EPHA1: variants seen among roughly 807,000 people sequenced by gnomAD.
The protein encoded by EPHA1 is EPH receptor A1.
A neutral mutation model predicts 110.1 loss-of-function variants in EPHA1; 92 were observed. The observed-to-expected ratio is 0.84, with a 90% CI of 0.71 to 0.99. The LOEUF is 0.99. Ranked by LOEUF, EPHA1 falls within the 50% of genes least tolerant of loss-of-function variation. The pLI is 0.00. For synonymous variants in EPHA1, 500 were observed against 516.1 expected (o/e 0.97, Z 0.42); for missense variants, 1,204 against 1,285.4 (o/e 0.94, Z 0.97).
At chr7:143,394,524 G>C (rs1405233869) in intron 14 of EPHA1, among the ~76,000 whole-genome samples, 181 bp from the exon 15 acceptor site, 5 of 152,074 alleles carry the variant, frequency 3.3e-5, no homozygotes, top group Admixed American at 3.3e-4. Context: ...AGGTTCAAGC[G>C]ATTCTCCTGC....
chr7:143,396,358 C>G (rs973093583), intron 11 of EPHA1, 27 bp downstream of exon 11: 2 of 1,602,428 alleles, frequency 1.2e-6, no homozygotes, highest in Admixed American at 1.7e-5. Flanking sequence ...TGGCGGGGGG[C>G]CTGCTGCGGT....
chr7:143,397,234 A>AAC (rs146724598), intron 10 of EPHA1, 70 bp downstream of exon 10: 86 of 1,455,784 alleles, frequency 5.9e-5, no homozygotes, highest in Middle Eastern at 3.5e-4. Flanking sequence ...GGCATCTCCC[A>AAC]ACACACACAC....
In EPHA1 at chr7:143,398,106, A is replaced by C. The variant is rs1805310899; in HGVS notation, c.1465-36T>G. On this transcript the variant is annotated intron_variant, in intron 7 of 17. Coordinates refer to ENST00000275815, the MANE Select transcript of EPHA1 (RefSeq NM_005232.5). ...GAGTTGCATTAAGTGGGCAGTGCTG[A>C]GCCAGACCCGGGTGGATGTGATGGA... 3.1e-6 allele frequency: 5 copies of C among 1,610,206 alleles called. 1 individual carries two copies. The highest frequency in any genetic ancestry group is 4.2e-6 in the Non-Finnish European group (5 of 1,177,092).
rs1448183019 is a variant in EPHA1 at position 143,398,441 on chromosome 7, C to T, written c.1344G>A (p.Leu448=). 2.5e-6 allele frequency: 4 copies of T among 1,614,034 alleles called. No homozygotes were observed. The African/African-American group carries it at 4.0e-5, about 16-fold the overall frequency. ...VSISMGHAES[L]SGLSLRLVKK... is the part of the protein sequence containing the mutation. ...TCACCAGTCTCAGAGACAGGCCTGA[C>T]AGTGACTCTGGGGGTCCAGAGGGAT... Residue 448 remains leucine (L), a synonymous_variant, in exon 7 of 18, where the codon CTG becomes CTA. Transcript: ENST00000275815.
intron 1 of EPHA1, chr7:143,407,911 G>T: frequency 2.8e-6 from 1 of 361,418 alleles, no homozygotes. Context: ...ACAAGGGTTG[G>T]GGCGCTGGGT....
Position 143,399,286 on chromosome 7 carries a change from G to C in EPHA1, c.963C>G (p.Pro321=). ...TGCATGCCACCTGGGGGCCCTCCCCGGGAGCTCTGTAATGGCCGCTCTCAC... is the reference window on the plus strand; with the variant it reads ...TGCATGCCACCTGGGGGCCCTCCCCCGGAGCTCTGTAATGGCCGCTCTCAC... ...CTCESGHYRA[P]GEGPQVACTG... is the part of the protein sequence containing the mutation. Residue 321 remains proline, a synonymous_variant, in exon 5 of 18, where the codon CCC becomes CCG. Transcript: ENST00000275815. 6.2e-7 allele frequency: 1 copy of C among 1,611,858 alleles called. No individual in the cohort carries two copies. The highest frequency in any genetic ancestry group is 8.5e-7 in the Non-Finnish European group (1 of 1,179,802).
intron 11 of EPHA1, among the ~76,000 whole-genome samples, chr7:143,396,183 G>A (rs1805238772): frequency 6.6e-6 from 1 of 152,208 alleles, no homozygotes; most frequent in Non-Finnish European, 1.5e-5. Context: ...GGTTGCTCCA[G>A]GGCACCTGAT....
Position 143,398,915 on chromosome 7 carries a change from A to C in EPHA1, c.1022T>G (p.Phe341Cys), listed in dbSNP as rs199837219. Residue 341 changes from phenylalanine (F) to cysteine (C), a missense_variant, in exon 6 of 18, where the codon TTC (phenylalanine) becomes TGC (cysteine). Physicochemically the swap from Phe to Cys is radical, Grantham distance 205. Coordinates refer to ENST00000275815, the MANE Select transcript of EPHA1 (RefSeq NM_005232.5). Reference sequence around the variant, plus strand: ...GGAGAGCTGAGTCCCTGAGGCAGAGAAGCTCAGGTTTCGGGGGGCCGAGGG... The same window carrying C: ...GGAGAGCTGAGTCCCTGAGGCAGAGCAGCTCAGGTTTCGGGGGGCCGAGGG... Reference protein sequence around the residue: ...GPPSAPRNLSFSASGTQLSLR... With the variant: ...GPPSAPRNLSCSASGTQLSLR... 1.7e-5 allele frequency: 27 copies of C among 1,612,260 alleles called. No individual in the cohort carries two copies. In the East Asian group the frequency reaches 5.6e-4, roughly 33 times the overall value.
rs1339653913 is a variant in EPHA1 at position 143,395,282 on chromosome 7, T to C, written c.2083+37A>G. 2 of 1,613,808 alleles carry C rather than the reference T, an allele frequency of 1.2e-6. No individual in the cohort carries two copies. The highest frequency in any genetic ancestry group is 1.3e-5 in the African/African-American group (1 of 75,044). Reference sequence around the variant, plus strand: ...AGTGGTTTCACCCCTCTTTCCTGCATTTCCCGCCCCCAGCTGAGGGAGACC... The same window carrying C: ...AGTGGTTTCACCCCTCTTTCCTGCACTTCCCGCCCCCAGCTGAGGGAGACC... On this transcript the variant is annotated intron_variant, in intron 12 of 17. Transcript: ENST00000275815. The surrounding 1 kb of genome is among the most constrained non-coding windows in gnomAD (Gnocchi z 4.7).
rs141734073 is a variant in EPHA1, at chr7:143,407,507, C to A, written c.150+104G>T. 211 of 1,151,888 alleles carry A rather than the reference C, an allele frequency of 1.8e-4. 6 individuals are homozygous for A. In the East Asian group the frequency reaches 2.8e-3, roughly 15 times the overall value. 71.4% of individuals were successfully genotyped at this position (1,151,888 alleles called of 1,614,324 possible). Reference sequence around the variant, plus strand: ...TCTCCCCCTCCCTGAGGAGACACTTCCAGTTTTTCCTGCTCTTTTCTCTGT... The same window carrying A: ...TCTCCCCCTCCCTGAGGAGACACTTACAGTTTTTCCTGCTCTTTTCTCTGT... On this transcript the variant is annotated intron_variant, in intron 2 of 17. Transcript: ENST00000275815.
intron 1 of EPHA1, chr7:143,407,915 G>A (rs922752466): frequency 3.2e-5 from 11 of 348,766 alleles, no homozygotes; most frequent in Admixed American, 4.7e-5. Context: ...GGGTTGGGGC[G>A]CTGGGTCTTT....
At position 143,397,352 on chromosome 7, in the gene EPHA1, G is replaced by C; in HGVS notation, c.1723C>G (p.Arg575Gly). The C allele has an allele frequency of 6.5e-7, 1 of 1,549,832 alleles. No individual in the cohort carries two copies. The highest frequency in any genetic ancestry group is 8.7e-7 in the Non-Finnish European group (1 of 1,146,842). Residue 575 changes from arginine to glycine, a missense_variant, in exon 10 of 18, where the codon CGG (arginine) becomes GGG (glycine). Coordinates refer to ENST00000275815, the MANE Select transcript of EPHA1 (RefSeq NM_005232.5). ...TCACGCTGCCTCTGCTGCCTCTGCC[G>C]CTGGGCTCTCCTGTGGGGGTTGGGG... ...ILVFRSRRAQ[R>G]QRQQRQRDRA...
At chr7:143,404,884 G>T (rs1805503391) in intron 2 of EPHA1, among the ~76,000 whole-genome samples, 1 of 151,804 alleles carries the variant, frequency 6.6e-6, no homozygotes, top group African/African-American at 2.4e-5. Context: ...ATTTAATGCA[G>T]AATAGACTGA....
chr7:143,395,605 GA>G lies in EPHA1; in HGVS notation c.1898-102del, dbSNP rs1338015901. 1.5e-6 allele frequency: 2 copies of G among 1,293,030 alleles called. No individual in the cohort carries two copies. Among genetic ancestry groups the G allele is most frequent in the African/African-American group, 3.0e-5 (2 of 67,564 alleles). The allele number at this position is 1,293,030 out of a possible 1,614,324, so 80.1% of individuals were successfully genotyped here. A position where few individuals can be genotyped will look rare whatever the true frequency, so the allele number is the denominator to read the frequency against. Reference sequence around the variant, plus strand: ...TCCTCCGGCCCTTTTCTTTTCTGGAGAATCAGAAGCGTGGAGTGCCCTTCCT... The same window carrying G: ...TCCTCCGGCCCTTTTCTTTTCTGGAGATCAGAAGCGTGGAGTGCCCTTCCT... On this transcript the variant is annotated intron_variant, in intron 11 of 17. Coordinates refer to ENST00000275815, the MANE Select transcript of EPHA1 (RefSeq NM_005232.5). This position sits in a 1 kb window ranked among gnomAD's most constrained non-coding sequence, Gnocchi z 4.7.
chr7:143,399,763 G>A lies in EPHA1; in HGVS notation c.723C>T (p.Pro241=). The A allele has an allele frequency of 6.2e-7, 1 of 1,613,500 alleles. No homozygotes were observed. The highest frequency in any genetic ancestry group is 1.1e-5 in the South Asian group (1 of 91,024). The change falls in exon 4 of 18, where the codon CCC becomes CCT. Residue 241 remains proline, a synonymous_variant. Coordinates refer to ENST00000275815, the MANE Select transcript of EPHA1 (RefSeq NM_005232.5). The stretch of plus-strand genomic sequence containing the variant: ...TGCAGTGCATGCGGGGTGCACCTGA[G>A]GGCCTGGGGCTGGCCCGCGCGTGGG... ...CLPHARASPR[P]SGAPRMHCSP...
Position 143,391,505 on chromosome 7 carries a change from G to A in EPHA1, c.2883C>T (p.Pro961=), listed in dbSNP as rs758366590. ...TGCAAAGAATGCGCTTCTGGTGCCC[G>A]GGCAGTGTGATTCCCATCTGCGTCA... The part of the protein sequence containing the change: ...EDLTQMGITL[P]GHQKRILCSI... Residue 961 remains proline (P), a synonymous_variant, in exon 18 of 18, where the codon CCC becomes CCT. Transcript: ENST00000275815. The A allele has an allele frequency of 3.6e-5, 58 of 1,614,004 alleles. No homozygotes were observed. The highest frequency in any genetic ancestry group is 4.4e-5 in the South Asian group (4 of 91,074).
At position 143,401,542 on chromosome 7, in the gene EPHA1, G is replaced by C; in HGVS notation, c.214C>G (p.Gln72Glu). 1 of 1,614,146 alleles carries C rather than the reference G, an allele frequency of 6.2e-7. No homozygotes were observed. Among genetic ancestry groups the C allele is most frequent in the Non-Finnish European group, 8.5e-7 (1 of 1,180,040 alleles). Reference sequence around the variant, plus strand: ...CAGTGGTCAGTGTCTCTGCGTCCTTGCATTGGGCAGTCCTGGTACATGTAC... The same window carrying C: ...CAGTGGTCAGTGTCTCTGCGTCCTTCCATTGGGCAGTCCTGGTACATGTAC... The part of the protein sequence containing the change: ...PLYMYQDCPM[Q>E]GRRDTDHWLR... Residue 72 changes from glutamine to glutamate, a missense_variant, in exon 3 of 18, where the codon CAA becomes GAA. Gln to Glu is a conservative substitution (Grantham distance 29). Transcript: ENST00000275815. This position sits in a 1 kb window ranked among gnomAD's most constrained non-coding sequence, Gnocchi z 4.1.
In EPHA1 at chr7:143,408,792, C is replaced by G; in HGVS notation, c.14G>C (p.Trp5Ser). Residue 5 changes from tryptophan (W) to serine (S), a missense_variant, in exon 1 of 18, where the codon TGG becomes TCG. By Grantham distance (177) the Trp-to-Ser change is radical. Transcript: ENST00000275815. MERR[W>S]PLGLGLVLLL... ...CAGCACCAGCCCTAGCCCCAGGGGCCAGCGCCGCTCCATAGCTCCGGGCCG... is the reference window on the plus strand; with the variant it reads ...CAGCACCAGCCCTAGCCCCAGGGGCGAGCGCCGCTCCATAGCTCCGGGCCG... The G allele has an allele frequency of 8.2e-7, 1 of 1,224,182 alleles. No homozygotes were observed. Among genetic ancestry groups the G allele is most frequent in the Non-Finnish European group, 1.0e-6 (1 of 983,118 alleles). The allele number at this position is 1,224,182 out of a possible 1,614,324, so 75.8% of individuals were successfully genotyped here. A position where few individuals can be genotyped will look rare whatever the true frequency, so the allele number is the denominator to read the frequency against.
At chr7:143,396,569 C>A in intron 10 of EPHA1, 59 bp from the exon 11 acceptor site, 1 of 1,590,848 alleles carries the variant, frequency 6.3e-7, no homozygotes, top group South Asian at 1.1e-5. Context: ...GTATGGGGGT[C>A]AGGAGAAGGG....
Sources: allele counts gnomAD v4.1 joint callset (sites outside exome capture counted in the v4.1 genomes callset), GRCh38; gene constraint gnomAD v4.1.1; non-coding constraint Gnocchi (gnomAD v3.1); transcripts MANE v1.5; gene names NCBI Gene and HGNC (gene_info 2026-07-23, HGNC 2026-07-21).